Variants in ZFYVE9 observed in about 807,000 individuals in gnomAD.
ZFYVE9 encodes the protein zinc finger FYVE-type containing 9.
In ZFYVE9, 43 loss-of-function variants were observed where a neutral mutation model predicts 126.7. The observed-to-expected ratio is 0.34, with a 90% CI of 0.27 to 0.44. The LOEUF is 0.44. Ranked by LOEUF, ZFYVE9 falls within the 20% of genes least tolerant of loss-of-function variation. The pLI, the probability that ZFYVE9 is intolerant of heterozygous loss-of-function variation, is 1.00. For missense variants in ZFYVE9, 1,476 were observed against 1,697.0 expected (o/e 0.87, Z 2.29); for synonymous variants, 521 against 597.4 (o/e 0.87, Z 1.87).
chr1:52,286,928 T>C (rs536705144), intron 10 of ZFYVE9, among the ~76,000 whole-genome samples: 6 of 152,256 alleles, frequency 3.9e-5, no homozygotes, highest in Admixed American at 3.3e-4. Flanking sequence ...TTACCCATGA[T>C]TATGCTACTC....
chr1:52,250,183 A>T (rs1011422278), intron 4 of ZFYVE9, among the ~76,000 whole-genome samples: 1 of 152,188 alleles, frequency 6.6e-6, no homozygotes, highest in Admixed American at 6.5e-5. Context: ...ATTGCGTTGA[A>T]TCTGTAGATC....
chr1:52,179,672 A>G (rs1044114237), intron 1 of ZFYVE9, among the ~76,000 whole-genome samples: 1 of 151,372 alleles, frequency 6.6e-6, no homozygotes, highest in African/African-American at 2.5e-5. Context: ...ACAGTGGAAT[A>G]AAGTCCACAA....
At chr1:52,209,071 A>G (rs1374201209) in intron 1 of ZFYVE9, among the ~76,000 whole-genome samples, 1 of 152,232 alleles carries the variant, frequency 6.6e-6, no homozygotes, top group African/African-American at 2.4e-5. Flanking sequence ...AGCAATCTCT[A>G]TCCTGAGAAA....
chr1:52,323,507 CT>C (rs1395967533), intron 13 of ZFYVE9, among the ~76,000 whole-genome samples: 19 of 152,224 alleles, frequency 1.2e-4, no homozygotes, highest in African/African-American at 4.1e-4. Flanking sequence ...AAAACAGTGT[CT>C]GGCACGTATT....
chr1:52,317,729 C>A (rs1370668180), intron 13 of ZFYVE9, among the ~76,000 whole-genome samples: 4 of 152,096 alleles, frequency 2.6e-5, no homozygotes, highest in African/African-American at 9.7e-5. Context: ...GCACAAATTA[C>A]CTTTTTAGGA....
At chr1:52,336,947 T>TAAAAAA (rs71041896) in intron 15 of ZFYVE9, among the ~76,000 whole-genome samples, 87 of 107,832 alleles carry the variant, frequency 8.1e-4, no homozygotes, top group African/African-American at 3.0e-3. Flanking sequence ...AGTCATCTCT[T>TAAAAAA]AAAAAAAAAA....
At chr1:52,180,445 T>C (rs1327610285) in intron 1 of ZFYVE9, 1 of 1,304,230 alleles carries the variant, frequency 7.7e-7, no homozygotes, top group Admixed American at 1.7e-5. Flanking sequence ...TCTGGAGCAA[T>C]TAAGAGGGAC....
At chr1:52,198,110 G>GTTTTTTTTTTTTTTTTTTTT (rs1329262004) in intron 1 of ZFYVE9, among the ~76,000 whole-genome samples, 1 of 40,014 alleles carries the variant, frequency 2.5e-5, no homozygotes. Context: ...ATATTGTAGT[G>GTTTTTTTTTTTTTTTTTTTT]TTTTTTTTTG....
At chr1:52,262,099 TG>T (rs1001735562) in intron 4 of ZFYVE9, among the ~76,000 whole-genome samples, 1 of 152,210 alleles carries the variant, frequency 6.6e-6, no homozygotes, top group Non-Finnish European at 1.5e-5. Flanking sequence ...GTCTGGAGCC[TG>T]GTAAGTCCAA....
intron 13 of ZFYVE9, among the ~76,000 whole-genome samples, chr1:52,310,598 C>T (rs1004831220): frequency 6.6e-6 from 1 of 152,190 alleles, no homozygotes; most frequent in Non-Finnish European, 1.5e-5. Flanking sequence ...GTACAGCTAG[C>T]AAGTGGTGGA....
At position 52,346,576 on chromosome 1, in the gene ZFYVE9, T is replaced by TA. The variant is rs763130162; in HGVS notation, c.*356dup. The TA allele has an allele frequency of 1.3e-5, 5 of 370,766 alleles. No individual in the cohort carries two copies. The highest frequency in any genetic ancestry group is 2.4e-5 in the Non-Finnish European group (5 of 209,246). The allele number at this position is 370,766 out of a possible 1,614,324, so 23.0% of individuals were successfully genotyped here. On this transcript the variant is annotated 3_prime_UTR_variant, in exon 19 of 19. Transcript: ENST00000287727. ...ATGTGCTCAGAAATGCTCAAATGGG[T>TA]ACAACCATCACCAAGGGTGGGATGG...
chr1:52,283,928 G>A (rs1387916803), intron 10 of ZFYVE9, among the ~76,000 whole-genome samples: 1 of 152,140 alleles, frequency 6.6e-6, no homozygotes, highest in African/African-American at 2.4e-5. Context: ...AAATTATCAG[G>A]ATTTAAATTA....
chr1:52,165,422 A>G (rs1644503668), intron 1 of ZFYVE9, among the ~76,000 whole-genome samples: 1 of 152,188 alleles, frequency 6.6e-6, no homozygotes, highest in African/African-American at 2.4e-5. Context: ...GGGGAAGGAT[A>G]ATAGGACCCC....
At chr1:52,220,680 G>A (rs1344292115) in intron 2 of ZFYVE9, among the ~76,000 whole-genome samples, 3 of 152,128 alleles carry the variant, frequency 2.0e-5, no homozygotes, top group African/African-American at 7.2e-5. Context: ...ATGAAGCTGT[G>A]ACAATATTTC....
At chr1:52,334,651 G>A in intron 14 of ZFYVE9, 37 bp from the exon 15 acceptor site, 3 of 1,594,672 alleles carry the variant, frequency 1.9e-6, no homozygotes, top group Non-Finnish European at 2.6e-6. Flanking sequence ...TCCAGCTTAG[G>A]GTCTGTCTTA....
chr1:52,145,624 A>G (rs1239016024), intron 1 of ZFYVE9, among the ~76,000 whole-genome samples: 4 of 152,152 alleles, frequency 2.6e-5, no homozygotes, highest in African/African-American at 7.2e-5. Context: ...TCCATGAGAT[A>G]AAAGTAACCG....
At chr1:52,157,653 C>T (rs1057064456) in intron 1 of ZFYVE9, among the ~76,000 whole-genome samples, 2 of 152,036 alleles carry the variant, frequency 1.3e-5, no homozygotes, top group African/African-American at 4.8e-5. Flanking sequence ...ATCCACCCAC[C>T]TCAGCCTCCC....
At chr1:52,218,658 T>C (rs567699182) in intron 2 of ZFYVE9, among the ~76,000 whole-genome samples, 13 of 152,358 alleles carry the variant, frequency 8.5e-5, no homozygotes, top group African/African-American at 3.1e-4. Flanking sequence ...ATGGAATATT[T>C]AATCAATTCC....
chr1:52,187,755 C>A (rs550355159), intron 1 of ZFYVE9, among the ~76,000 whole-genome samples: 1 of 152,302 alleles, frequency 6.6e-6, no homozygotes, highest in South Asian at 2.1e-4. Flanking sequence ...CAGTGAGATA[C>A]CATCTCACAC....
Sources: gnomAD v4.1 joint callset for allele counts (sites outside exome capture counted in the v4.1 genomes callset) on GRCh38, gnomAD v4.1.1 for gene constraint, MANE v1.5 for transcripts, NCBI Gene and HGNC (gene_info 2026-07-23, HGNC 2026-07-21) for gene names.